NUP62CL: variants seen among roughly 807,000 people sequenced by gnomAD.
The protein encoded by NUP62CL is nucleoporin-62 C-terminal-like protein.
NUP62CL carries 13 observed loss-of-function variants against 15.3 expected under a neutral mutation model. That is an observed-to-expected ratio of 0.85 (90% CI 0.55 to 1.35). The LOEUF (loss-of-function observed/expected upper bound fraction) is 1.35, where lower values mean the gene tolerates loss of function less well. NUP62CL is among the 40% of genes most tolerant of loss of function. The pLI, the probability that NUP62CL is intolerant of heterozygous loss-of-function variation, is 0.00. For synonymous variants in NUP62CL, 54 were observed against 49.2 expected (o/e 1.10, Z -0.41); for missense variants, 123 against 130.6 (o/e 0.94, Z 0.28).
chrX:107,170,019 G>T (rs1479173937), intron 3 of NUP62CL, among the ~76,000 whole-genome samples: 1 of 110,049 alleles, frequency 9.1e-6, no homozygotes, highest in Non-Finnish European at 1.9e-5. Flanking sequence ...AGACGAGCCT[G>T]GCCAACATGG....
rs1158747234 is a variant in NUP62CL, at chrX:107,200,726, G to GC, written c.-92+5546dup. On this transcript the variant is annotated intron_variant, in intron 1 of 8. Transcript: ENST00000372466. ...GCATGAAGACCTAGGAAGAGGTATGGCAGCTTGGAAAGGGGATGGAGGGAT... is the reference window on the plus strand; with the variant it reads ...GCATGAAGACCTAGGAAGAGGTATGGCCAGCTTGGAAAGGGGATGGAGGGAT... Among the ~76,000 whole-genome samples, 3 of 109,251 alleles carry GC rather than the reference G, an allele frequency of 2.7e-5. No individual in the cohort carries two copies. In the Admixed American group the frequency reaches 3.0e-4, roughly 11 times the overall value. The allele number at this position is 109,251 out of a possible 115,157, so 94.9% of individuals were successfully genotyped here.
chrX:107,161,175 CT>C (rs1449150840), intron 4 of NUP62CL, among the ~76,000 whole-genome samples: 1 of 99,997 alleles, frequency 1.0e-5, no homozygotes, highest in Non-Finnish European at 2.0e-5. Context: ...CACTTTTACA[CT>C]GTTGGTGGGA....
chrX:107,158,181 G>A (rs1007272004), intron 4 of NUP62CL, among the ~76,000 whole-genome samples: 3 of 64,230 alleles, frequency 4.7e-5, no homozygotes, highest in African/African-American at 7.4e-5. Flanking sequence ...TTAATAATGG[G>A]AGACTTTAAC....
chrX:107,175,017 GCA>G, intron 3 of NUP62CL, 70 bp downstream of exon 3: 1 of 762,904 alleles, frequency 1.3e-6, no homozygotes, highest in East Asian at 3.2e-5. Flanking sequence ...GAGATCTGTA[GCA>G]TATACTGGCA....
At chrX:107,205,075 AAGT>A (rs1367082573) in intron 1 of NUP62CL, among the ~76,000 whole-genome samples, 3 of 110,938 alleles carry the variant, frequency 2.7e-5, no homozygotes, top group African/African-American at 9.8e-5. Flanking sequence ...AGTATATTGC[AAGT>A]AGTAAGTGTT....
intron 4 of NUP62CL, among the ~76,000 whole-genome samples, chrX:107,162,346 T>C (rs976930240): frequency 7.2e-5 from 8 of 110,720 alleles, no homozygotes; most frequent in African/African-American, 2.6e-4. Context: ...ACTCTCAAAG[T>C]TTGTGAAAAG....
chrX:107,147,871 C>A, intron 7 of NUP62CL, 62 bp from the exon 8 acceptor site: 1 of 903,510 alleles, frequency 1.1e-6, no homozygotes, highest in African/African-American at 1.9e-5. Flanking sequence ...AAAAAATAAA[C>A]ATAAGAAATT....
At chrX:107,184,414 G>T (rs889241279) in intron 2 of NUP62CL, among the ~76,000 whole-genome samples, 7 of 111,628 alleles carry the variant, frequency 6.3e-5, no homozygotes, top group Admixed American at 2.9e-4. Flanking sequence ...AAAAATTTTA[G>T]AATGAAAAAT....
At chrX:107,202,265 T>C (rs1312802533) in intron 1 of NUP62CL, among the ~76,000 whole-genome samples, 1 of 112,217 alleles carries the variant, frequency 8.9e-6, no homozygotes, top group Non-Finnish European at 1.9e-5. Context: ...GTTTGAAATA[T>C]TTCTTAATTT....
intron 2 of NUP62CL, among the ~76,000 whole-genome samples, chrX:107,175,449 A>AG (rs1482011044): frequency 9.0e-6 from 1 of 111,710 alleles, no homozygotes; most frequent in Non-Finnish European, 1.9e-5. Context: ...AAGTCCTAAG[A>AG]GGGGGGATCC....
chrX:107,130,590 A>G (rs1291077016), intron 8 of NUP62CL, among the ~76,000 whole-genome samples: 1 of 111,685 alleles, frequency 9.0e-6, no homozygotes, highest in Non-Finnish European at 1.9e-5. Context: ...AGTAGAGTCA[A>G]TATAAGAATG....
intron 2 of NUP62CL, among the ~76,000 whole-genome samples, chrX:107,183,618 C>A (rs917073509): frequency 9.0e-6 from 1 of 111,148 alleles, no homozygotes; most frequent in Non-Finnish European, 1.9e-5. Flanking sequence ...AACAGGCTGG[C>A]AACCCAGAAA....
chrX:107,163,371 A>T (rs1347940580), intron 4 of NUP62CL, among the ~76,000 whole-genome samples: 1 of 111,894 alleles, frequency 8.9e-6, no homozygotes, highest in African/African-American at 3.3e-5. Flanking sequence ...TAATGTATTT[A>T]AAAACACTAT....
At chrX:107,202,441 T>C (rs916567014) in intron 1 of NUP62CL, 4 of 110,805 alleles carry the variant, frequency 3.6e-5, no homozygotes, top group South Asian at 3.8e-4. Flanking sequence ...TCATATAATC[T>C]TCGAAAAAAA....
At chrX:107,148,205 C>T (rs1925925830) in intron 7 of NUP62CL, among the ~76,000 whole-genome samples, 1 of 111,669 alleles carries the variant, frequency 9.0e-6, no homozygotes, top group African/African-American at 3.2e-5. Flanking sequence ...AAAATAGTTA[C>T]ATTCATATAT....
intron 4 of NUP62CL, among the ~76,000 whole-genome samples, chrX:107,167,238 G>A (rs180966614): frequency 3.6e-5 from 4 of 111,906 alleles, no homozygotes; most frequent in African/African-American, 1.3e-4. Flanking sequence ...CCATTAACAA[G>A]TATGCGACTA....
chrX:107,195,008 G>A (rs1044709108), intron 1 of NUP62CL, among the ~76,000 whole-genome samples: 1 of 107,646 alleles, frequency 9.3e-6, no homozygotes, highest in African/African-American at 3.4e-5. Context: ...GTGGAGACTC[G>A]GTTTCACTGT....
intron 4 of NUP62CL, among the ~76,000 whole-genome samples, chrX:107,155,746 A>G (rs1465759061): frequency 8.9e-6 from 1 of 112,509 alleles, no homozygotes; most frequent in African/African-American, 3.2e-5. Flanking sequence ...CCAAGATAAA[A>G]TTTTAAAAAT....
chrX:107,183,433 T>C (rs1240750662), intron 2 of NUP62CL, among the ~76,000 whole-genome samples: 1 of 110,355 alleles, frequency 9.1e-6, no homozygotes, highest in East Asian at 2.8e-4. Context: ...CCTGGCTCTA[T>C]TGCTTAAAAA....
Sources: gnomAD v4.1 joint callset for allele counts (sites outside exome capture counted in the v4.1 genomes callset) on GRCh38, gnomAD v4.1.1 for gene constraint, MANE v1.5 for transcripts, NCBI Gene and HGNC (gene_info 2026-07-23, HGNC 2026-07-21) for gene names.